The following PIEZO2 variants were observed in gnomAD, a reference collection of about 807,000 sequenced individuals.
The protein encoded by PIEZO2 is piezo-type mechanosensitive ion channel component 2.
In PIEZO2, 172 loss-of-function variants were observed where a neutral mutation model predicts 337.3. The observed-to-expected ratio is 0.51, with a 90% CI of 0.45 to 0.58. The LOEUF is 0.58. Ranked by LOEUF, PIEZO2 falls within the 20% of genes least tolerant of loss-of-function variation. The pLI is 0.00. For synonymous variants in PIEZO2, 1,251 were observed against 1,228.5 expected, an observed-to-expected ratio of 1.02 and a Z score of -0.38; for missense variants, 3,028 against 3,391.3, an observed-to-expected ratio of 0.89 and a Z score of 2.66.
chr18:10,944,914 C>T (rs1231697326), intron 3 of PIEZO2, among the ~76,000 whole-genome samples: 1 of 152,072 alleles, frequency 6.6e-6, no homozygotes, highest in Non-Finnish European at 1.5e-5. Context: ...CTAACTGTTG[C>T]TACCAGATTC....
At chr18:10,711,098 C>G (rs946841405) in intron 39 of PIEZO2, among the ~76,000 whole-genome samples, 3 of 152,168 alleles carry the variant, frequency 2.0e-5, no homozygotes, top group Non-Finnish European at 4.4e-5. Context: ...ATTTAAATAT[C>G]TCTTAACTCA....
At chr18:10,825,880 G>T (rs535360359) in intron 7 of PIEZO2, among the ~76,000 whole-genome samples, 5 of 152,240 alleles carry the variant, frequency 3.3e-5, no homozygotes, top group African/African-American at 4.8e-5. Flanking sequence ...ATTTTGGAAA[G>T]AAGTCACAAT....
At position 10,782,341 on chromosome 18, in the gene PIEZO2, TTATAA is replaced by T. The variant is rs1294938661; in HGVS notation, c.2493-1980_2493-1976del. On this transcript the variant is annotated intron_variant, in intron 17 of 55. Transcript: ENST00000674853. Reference sequence around the variant, plus strand: ...ATATATTATAATTATATATAAATAATTATAATATATTATAATTATATATAAATAAT... The same window carrying T: ...ATATATTATAATTATATATAAATAATTATATTATAATTATATATAAATAAT... 2.5e-4 allele frequency among the ~76,000 whole-genome samples: 11 copies of T among 44,896 alleles called. 1 individual carries two copies. The South Asian group carries it at 6.2e-3, about 25-fold the overall frequency. 29.5% of individuals were successfully genotyped at this position (44,896 alleles called of 152,430 possible).
At chr18:10,848,253 G>A (rs2041425593) in intron 7 of PIEZO2, among the ~76,000 whole-genome samples, 1 of 152,178 alleles carries the variant, frequency 6.6e-6, no homozygotes. Context: ...ATACAGCATT[G>A]AGGCACTTAT....
Position 10,920,781 on chromosome 18 carries a change from C to T in PIEZO2, c.287-9553G>A, listed in dbSNP as rs539420352. Among the ~76,000 whole-genome samples the T allele has an allele frequency of 1.9e-4, 29 of 152,256 alleles. 1 individual carries two copies. In the South Asian group the frequency reaches 3.7e-3, roughly 20 times the overall value. On this transcript the variant is annotated intron_variant, in intron 3 of 55. Coordinates refer to ENST00000674853, the MANE Select transcript of PIEZO2 (RefSeq NM_001378183.1). ...GGTGTAAGAATGTGCAGGCCAGGCA[C>T]GGTGGCTCACACCTGAAATCCCAGC...
intron 1 of PIEZO2, among the ~76,000 whole-genome samples, chr18:11,130,756 C>T (rs954861397): frequency 6.6e-6 from 1 of 152,186 alleles, no homozygotes; most frequent in Non-Finnish European, 1.5e-5. Flanking sequence ...GCATTTGGCT[C>T]CTACTACAAC....
In PIEZO2 at chr18:10,871,544, G is replaced by A. The variant is rs552660427; in HGVS notation, c.330-129C>T. 7 of 880,780 alleles carry A rather than the reference G, an allele frequency of 7.9e-6. No homozygotes were observed. The South Asian group carries it at 1.3e-4, about 16-fold the overall frequency. 54.6% of individuals were successfully genotyped at this position (880,780 alleles called of 1,614,324 possible). On this transcript the variant is annotated intron_variant, in intron 4 of 55. Transcript: ENST00000674853. ...AAGATGCTCCGTTTCTCCCTAAAAG[G>A]TACAAGAAAGCTTTTTATTGACCTC...
rs1230838814 is a variant in PIEZO2 at position 11,131,782 on chromosome 18, T to C, written c.64+16743A>G. On this transcript the variant is annotated intron_variant, in intron 1 of 55. Transcript: ENST00000674853. This position sits in a 1 kb window ranked among gnomAD's most constrained non-coding sequence, Gnocchi z 5.3. ...TGGTCAAAAACTGTGAAGATATTTG[T>C]ATCCCATGTGAGTGCTCACCAATGG... Among the ~76,000 whole-genome samples the C allele has an allele frequency of 6.6e-6, 1 of 152,208 alleles. No homozygotes were observed.
intron 2 of PIEZO2, among the ~76,000 whole-genome samples, chr18:10,997,325 C>T (rs954495872): frequency 8.6e-5 from 13 of 150,988 alleles, no homozygotes; most frequent in African/African-American, 2.9e-4. Context: ...CCCAGAGTCA[C>T]ATAACGTAAT....
At chr18:10,827,978 T>G (rs2040726475) in intron 7 of PIEZO2, among the ~76,000 whole-genome samples, 1 of 152,168 alleles carries the variant, frequency 6.6e-6, no homozygotes, top group Non-Finnish European at 1.5e-5. Flanking sequence ...CTATTAAATC[T>G]CATGGACAAA....
chr18:10,814,694 G>A (rs1421219739), intron 7 of PIEZO2, among the ~76,000 whole-genome samples: 1 of 152,122 alleles, frequency 6.6e-6, no homozygotes, highest in East Asian at 1.9e-4. Flanking sequence ...CCCTGGAAAG[G>A]GTTTGGTGAC....
At chr18:10,957,717 G>A (rs1391092505) in intron 3 of PIEZO2, among the ~76,000 whole-genome samples, 1 of 152,138 alleles carries the variant, frequency 6.6e-6, no homozygotes, top group Non-Finnish European at 1.5e-5. Flanking sequence ...ACAACTAACA[G>A]AGAGAAAAGA....
At chr18:10,886,343 T>TATACAC (rs561758653) in intron 4 of PIEZO2, among the ~76,000 whole-genome samples, 597 of 23,702 alleles carry the variant, frequency 0.025, 112 homozygotes, top group Non-Finnish European at 0.03. Flanking sequence ...TATATATATA[T>TATACAC]ACACACACAC....
intron 1 of PIEZO2, among the ~76,000 whole-genome samples, chr18:11,074,392 C>G (rs1188508763): frequency 6.6e-6 from 1 of 152,188 alleles, no homozygotes; most frequent in African/African-American, 2.4e-5. Context: ...TTTGCTTTAG[C>G]TAAGGTGCTT....
intron 43 of PIEZO2, among the ~76,000 whole-genome samples, chr18:10,700,187 C>T (rs2187417): frequency 0.24 from 36,314 of 151,932 alleles, 4,440 homozygotes; most frequent in South Asian, 0.28. Flanking sequence ...TAGATTATTT[C>T]ACAACTTTCT....
At chr18:10,695,514 G>T (rs1315578209) in intron 47 of PIEZO2, among the ~76,000 whole-genome samples, 1 of 152,192 alleles carries the variant, frequency 6.6e-6, no homozygotes, top group Non-Finnish European at 1.5e-5. Context: ...GGATGGGTCT[G>T]CGTGCTTCTC....
chr18:10,906,948 G>A (rs1285143887), intron 4 of PIEZO2, among the ~76,000 whole-genome samples: 2 of 152,076 alleles, frequency 1.3e-5, no homozygotes, highest in South Asian at 2.1e-4. Flanking sequence ...AGTGACAAAC[G>A]GCACTCCCAG....
rs1052702549 is a variant in PIEZO2, at chr18:10,952,086, G to A, written c.286+27449C>T. Among the ~76,000 whole-genome samples, 1 of 152,160 alleles carries A rather than the reference G, an allele frequency of 6.6e-6. No individual in the cohort carries two copies. Among genetic ancestry groups the A allele is most frequent in the Non-Finnish European group, 1.5e-5 (1 of 68,026 alleles). ...ATCATGATCTTGAGAACCTGTGGCT[G>A]CTTAGTGGTACAGCAAAACCAGAAT... is the stretch of plus-strand genomic sequence containing the variant. On this transcript the variant is annotated intron_variant, in intron 3 of 55. Coordinates refer to ENST00000674853, the MANE Select transcript of PIEZO2 (RefSeq NM_001378183.1). This position sits in a 1 kb window ranked among gnomAD's most constrained non-coding sequence, Gnocchi z 4.1.
Position 10,975,466 on chromosome 18 carries a change from C to G in PIEZO2, c.286+4069G>C, listed in dbSNP as rs541074709. On this transcript the variant is annotated intron_variant, in intron 3 of 55. Transcript: ENST00000674853. Reference sequence around the variant, plus strand: ...CTCACTTACCTATAAGAACACTGTTCTGGAAATGAGGGGAAAAAAAAAAGG... The same window carrying G: ...CTCACTTACCTATAAGAACACTGTTGTGGAAATGAGGGGAAAAAAAAAAGG... Among the ~76,000 whole-genome samples the G allele has an allele frequency of 3.3e-5, 5 of 151,882 alleles. No homozygotes were observed. In the South Asian group the frequency reaches 1.0e-3, roughly 32 times the overall value.
Sources: allele counts gnomAD v4.1 joint callset (sites outside exome capture counted in the v4.1 genomes callset), GRCh38; gene constraint gnomAD v4.1.1; non-coding constraint Gnocchi (gnomAD v3.1); transcripts MANE v1.5; gene names NCBI Gene and HGNC (gene_info 2026-07-23, HGNC 2026-07-21).